The following ENTREP2 variants were observed in gnomAD, a reference collection of about 807,000 sequenced individuals.
ENTREP2 encodes protein ENTREP2.
At chr15:29,669,375 C>A in the ENTREP2 span, among the ~76,000 whole-genome samples, 2 of 152,082 alleles carry the variant, frequency 1.3e-5, no homozygotes, top group African/African-American at 4.8e-5. Flanking sequence ...GAGACATGGG[C>A]CAGCATGTTC....
At chr15:29,444,667 A>G in the ENTREP2 span, among the ~76,000 whole-genome samples, 1 of 151,934 alleles carries the variant, frequency 6.6e-6, no homozygotes, top group Non-Finnish European at 1.5e-5. Flanking sequence ...GGGTTTCACC[A>G]TATTGGCCAG....
At chr15:29,137,186 C>A in the ENTREP2 span, 2 of 1,478,526 alleles carry the variant, frequency 1.4e-6, no homozygotes, top group African/African-American at 2.9e-5. Context: ...GTGACCTCTG[C>A]GGAAGGAACT....
chr15:29,560,764 G>C, the ENTREP2 span, among the ~76,000 whole-genome samples: 2 of 151,822 alleles, frequency 1.3e-5, no homozygotes, highest in Non-Finnish European at 2.9e-5. Flanking sequence ...TTCCCTCTCT[G>C]CTATGTTCAA....
chr15:29,494,079 G>A, the ENTREP2 span, among the ~76,000 whole-genome samples: 67 of 151,928 alleles, frequency 4.4e-4, 1 homozygote, highest in South Asian at 1.0e-2. Context: ...GCACAATTAA[G>A]AAAATAAGTA....
the ENTREP2 span, among the ~76,000 whole-genome samples, chr15:29,516,968 C>CAAAAAAAA: frequency 6.8e-4 from 60 of 88,608 alleles, no homozygotes; most frequent in African/African-American, 2.5e-3. Context: ...AATTATGAGC[C>CAAAAAAAA]AAAAAAAAAA....
chr15:29,562,742 A>G, the ENTREP2 span, among the ~76,000 whole-genome samples: 2 of 151,772 alleles, frequency 1.3e-5, no homozygotes, highest in Non-Finnish European at 2.9e-5. Flanking sequence ...GGTTCTGTCT[A>G]TGTGTGTGTG....
the ENTREP2 span, among the ~76,000 whole-genome samples, chr15:29,159,365 G>A: frequency 5.9e-5 from 9 of 152,164 alleles, no homozygotes; most frequent in African/African-American, 1.9e-4. Flanking sequence ...AGGCAAGGTG[G>A]ACCGAGAGAG....
chr15:29,342,575 T>C, the ENTREP2 span, among the ~76,000 whole-genome samples: 1 of 152,046 alleles, frequency 6.6e-6, no homozygotes, highest in Non-Finnish European at 1.5e-5. Context: ...TGGGGCTGGT[T>C]GGGGGGGCAT....
At chr15:29,301,241 G>C in the ENTREP2 span, among the ~76,000 whole-genome samples, 30 of 152,180 alleles carry the variant, frequency 2.0e-4, 1 homozygote, top group South Asian at 6.2e-3. Context: ...AAAAAATAAG[G>C]GTAATTTTAT....
the ENTREP2 span, among the ~76,000 whole-genome samples, chr15:29,298,080 T>C: frequency 4.6e-5 from 7 of 152,196 alleles, no homozygotes; most frequent in African/African-American, 1.7e-4. Flanking sequence ...CTGACAACCG[T>C]ATAATTAAGC....
At chr15:29,540,573 A>G in the ENTREP2 span, among the ~76,000 whole-genome samples, 1 of 152,246 alleles carries the variant, frequency 6.6e-6, no homozygotes, top group African/African-American at 2.4e-5. Context: ...ACATACCGCT[A>G]ACTTTATGGT....
At chr15:29,538,481 T>C in the ENTREP2 span, among the ~76,000 whole-genome samples, 2 of 151,730 alleles carry the variant, frequency 1.3e-5, no homozygotes, top group Admixed American at 6.6e-5. Context: ...AATCAAAGGT[T>C]TATAGATCAG....
At chr15:29,672,668 C>T in the ENTREP2 span, among the ~76,000 whole-genome samples, 2 of 152,034 alleles carry the variant, frequency 1.3e-5, no homozygotes, top group South Asian at 2.1e-4. Flanking sequence ...GTTTAATTCA[C>T]GCAGAGCCGG....
the ENTREP2 span, chr15:29,118,146 T>G: frequency 6.5e-6 from 1 of 152,738 alleles, no homozygotes; most frequent in South Asian, 2.1e-4. Flanking sequence ...TGTCTCGAAG[T>G]CTCTTTTTTT....
At chr15:29,668,051 G>A in the ENTREP2 span, among the ~76,000 whole-genome samples, 19 of 152,048 alleles carry the variant, frequency 1.2e-4, no homozygotes, top group Admixed American at 1.2e-3. Flanking sequence ...ACATCTAGAA[G>A]GCAGAGAAAG....
the ENTREP2 span, among the ~76,000 whole-genome samples, chr15:29,260,846 T>C: frequency 1.3e-5 from 2 of 152,144 alleles, no homozygotes; most frequent in Non-Finnish European, 2.9e-5. Flanking sequence ...ACTGGAAATA[T>C]GTTAATATAA....
At chr15:29,342,502 G>A in the ENTREP2 span, among the ~76,000 whole-genome samples, 5 of 152,228 alleles carry the variant, frequency 3.3e-5, 1 homozygote, top group Middle Eastern at 6.8e-3. Flanking sequence ...TTCCAGAACC[G>A]GGATTCCTGA....
the ENTREP2 span, among the ~76,000 whole-genome samples, chr15:29,629,002 G>T: frequency 6.6e-6 from 1 of 152,076 alleles, no homozygotes; most frequent in Non-Finnish European, 1.5e-5. Context: ...TACCCGCCTC[G>T]GCCTCCCAGA....
chr15:29,182,545 G>A, the ENTREP2 span, among the ~76,000 whole-genome samples: 4 of 151,968 alleles, frequency 2.6e-5, no homozygotes, highest in Admixed American at 2.6e-4. Context: ...CATTTTTATT[G>A]AAAAACAGAA....
Sources: allele counts gnomAD v4.1 joint callset (sites outside exome capture counted in the v4.1 genomes callset), GRCh38; gene constraint gnomAD v4.1.1; transcripts MANE v1.5; gene names NCBI Gene and HGNC (gene_info 2026-07-23, HGNC 2026-07-21).